Variants in VEPH1 observed in about 807,000 individuals in gnomAD.
The protein encoded by VEPH1 is ventricular zone-expressed PH domain-containing protein homolog 1.
Under a neutral mutation model 85.2 loss-of-function variants are expected in VEPH1, and 80 were observed. The observed-to-expected ratio is 0.94, with a 90% CI of 0.78 to 1.13. The LOEUF (loss-of-function observed/expected upper bound fraction) is 1.13, where lower values mean the gene tolerates loss of function less well. Ranked by LOEUF, VEPH1 falls within the 50% of genes most tolerant of loss-of-function variation. VEPH1 has a pLI of 0.00. For synonymous variants in VEPH1, 297 were observed against 348.0 expected (o/e 0.85, Z 1.63); for missense variants, 955 against 980.5 (o/e 0.97, Z 0.35).
chr3:157,498,595 A>T (rs1009630781), intron 1 of VEPH1, among the ~76,000 whole-genome samples: 12 of 150,366 alleles, frequency 8.0e-5, no homozygotes, highest in African/African-American at 2.9e-4. Context: ...TGTATTCATG[A>T]CTGTGTGAGA....
chr3:157,467,594 T>C (rs1230044627), intron 3 of VEPH1, among the ~76,000 whole-genome samples: 1 of 152,206 alleles, frequency 6.6e-6, no homozygotes, highest in Non-Finnish European at 1.5e-5. Context: ...TGGTGCTGCA[T>C]TTCTGGGACC....
At chr3:157,438,494 AATT>A (rs1733853738) in intron 4 of VEPH1, among the ~76,000 whole-genome samples, 1 of 152,154 alleles carries the variant, frequency 6.6e-6, no homozygotes, top group Non-Finnish European at 1.5e-5. Flanking sequence ...GGGTCAGCGG[AATT>A]CTTCAGGGGT....
intron 13 of VEPH1, 78 bp from the exon 14 acceptor site, chr3:157,261,448 A>G: frequency 6.4e-7 from 1 of 1,561,914 alleles, no homozygotes; most frequent in African/African-American, 1.4e-5. Flanking sequence ...AGAACTTTCT[A>G]AGAGGGCCAG....
chr3:157,304,771 A>G (rs181979766), intron 11 of VEPH1, among the ~76,000 whole-genome samples: 1 of 152,312 alleles, frequency 6.6e-6, no homozygotes, highest in African/African-American at 2.4e-5. Context: ...AAAGAAATAT[A>G]TAGAGAAAAG....
chr3:157,437,774 TGGCGCGTATGGAG>T lies in VEPH1; in HGVS notation c.530-9299_530-9287del. 4 of 1,481,488 alleles carry T rather than the reference TGGCGCGTATGGAG, an allele frequency of 2.7e-6. No homozygotes were observed. In the South Asian group the frequency reaches 5.2e-5, roughly 19 times the overall value. 91.8% of individuals were successfully genotyped at this position (1,481,488 alleles called of 1,614,324 possible). On this transcript the variant is annotated intron_variant, in intron 4 of 13. Coordinates refer to ENST00000362010, the MANE Select transcript of VEPH1 (RefSeq NM_001167912.2). Reference sequence around the variant, plus strand: ...GCGACCCGCGACGCGGGCCGCAGGCTGGCGCGTATGGAGGGCGCGGAGGCGCAGCGCCCAGAGG... The same window carrying T: ...GCGACCCGCGACGCGGGCCGCAGGCTGGCGCGGAGGCGCAGCGCCCAGAGG...
chr3:157,371,301 C>T (rs912392706), intron 7 of VEPH1, among the ~76,000 whole-genome samples: 2 of 152,072 alleles, frequency 1.3e-5, no homozygotes, highest in Admixed American at 1.3e-4. Context: ...TTCTGAGCAA[C>T]TGCAGACAGA....
At position 157,414,088 on chromosome 3, in the gene VEPH1, T is replaced by C. The variant is rs1204908352; in HGVS notation, c.699A>G (p.Val233=). The C allele has an allele frequency of 1.2e-6, 2 of 1,603,228 alleles. No individual in the cohort carries two copies. The highest frequency in any genetic ancestry group is 1.7e-5 in the Admixed American group (1 of 59,856). ...TTAGGAAAGGAATACACTTCTGAAC[T>C]ACCTATAAAGAGAGAGGAGAGGAGG... ...HVAAKKKQLE[V]VQKCIPFLIG... The change falls in exon 6 of 14, where the codon GTA becomes GTG. Residue 233 remains valine, a splice_region_variant and synonymous_variant. Transcript: ENST00000362010.
intron 9 of VEPH1, among the ~76,000 whole-genome samples, chr3:157,352,526 C>G (rs1025604217): frequency 6.6e-6 from 1 of 152,174 alleles, no homozygotes; most frequent in African/African-American, 2.4e-5. Flanking sequence ...AATAGTGAGA[C>G]AAACCTCACA....
intron 9 of VEPH1, among the ~76,000 whole-genome samples, chr3:157,336,687 C>G (rs1458041558): frequency 6.6e-6 from 1 of 152,244 alleles, no homozygotes; most frequent in African/African-American, 2.4e-5. Flanking sequence ...GAAACCCCTA[C>G]ACTCCATCTA....
At chr3:157,436,304 T>C (rs954821568) in intron 4 of VEPH1, among the ~76,000 whole-genome samples, 2 of 151,990 alleles carry the variant, frequency 1.3e-5, no homozygotes, top group African/African-American at 4.8e-5. Flanking sequence ...TATAAAAGTA[T>C]AGGTGCAACT....
chr3:157,460,103 A>G (rs781214548), intron 4 of VEPH1, 78 bp downstream of exon 4: 32 of 1,613,040 alleles, frequency 2.0e-5, no homozygotes, highest in Non-Finnish European at 2.6e-5. Context: ...CTTGCTTCCC[A>G]CAAACCATAA....
chr3:157,386,494 G>C (rs1452398518), intron 6 of VEPH1, among the ~76,000 whole-genome samples: 1 of 152,104 alleles, frequency 6.6e-6, no homozygotes, highest in African/African-American at 2.4e-5. Flanking sequence ...CCAGGGGGAG[G>C]CAGTGGGGAA....
chr3:157,304,509 G>A (rs759463570), intron 11 of VEPH1, among the ~76,000 whole-genome samples: 8 of 152,060 alleles, frequency 5.3e-5, no homozygotes, highest in Non-Finnish European at 8.8e-5. Context: ...CTGGTCCTCT[G>A]ATAATCAGAG....
intron 11 of VEPH1, among the ~76,000 whole-genome samples, chr3:157,298,557 C>T (rs904901713): frequency 2.0e-5 from 3 of 152,156 alleles, no homozygotes; most frequent in Admixed American, 6.5e-5. Context: ...ATGAAACTAG[C>T]ACTAGAGTGT....
chr3:157,311,531 T>G (rs548570993), intron 11 of VEPH1, among the ~76,000 whole-genome samples: 4 of 152,336 alleles, frequency 2.6e-5, no homozygotes, highest in Non-Finnish European at 5.9e-5. Flanking sequence ...TAATGTACAT[T>G]GCAGATATCA....
intron 2 of VEPH1, among the ~76,000 whole-genome samples, chr3:157,481,898 T>C (rs1309124869): frequency 1.3e-5 from 2 of 152,006 alleles, no homozygotes; most frequent in African/African-American, 4.9e-5. Context: ...TGCTAAGTTT[T>C]TGACTTTGTC....
In VEPH1 at chr3:157,345,947, C is replaced by T. The variant is rs567680116; in HGVS notation, c.1735+17417G>A. Among the ~76,000 whole-genome samples the T allele has an allele frequency of 7.3e-5, 11 of 151,074 alleles. No homozygotes were observed. The East Asian group carries it at 9.8e-4, about 13-fold the overall frequency. On this transcript the variant is annotated intron_variant, in intron 9 of 13. Transcript: ENST00000362010. ...CCCAAGGACAAAAAACCAAACACTGCGTGTTCTCACTCATAGGTGGGAATT... is the reference window on the plus strand; with the variant it reads ...CCCAAGGACAAAAAACCAAACACTGTGTGTTCTCACTCATAGGTGGGAATT...
intron 13 of VEPH1, among the ~76,000 whole-genome samples, chr3:157,264,232 C>T (rs1450638599): frequency 6.6e-6 from 1 of 152,232 alleles, no homozygotes; most frequent in Non-Finnish European, 1.5e-5. Flanking sequence ...GACTCTGGGA[C>T]TTACATCCCT....
chr3:157,435,251 G>A lies in VEPH1; in HGVS notation c.530-6763C>T, dbSNP rs1289813692. On this transcript the variant is annotated intron_variant, in intron 4 of 13. Transcript: ENST00000362010. ...GATATTTCAACTAAATGCAGTTCTT[G>A]GGGAGAGGTGTCTAATCCTTTTTGG... 2.0e-5 allele frequency among the ~76,000 whole-genome samples: 3 copies of A among 152,212 alleles called. No homozygotes were observed. In the East Asian group the frequency reaches 5.8e-4, roughly 29 times the overall value.
Sources: allele counts gnomAD v4.1 joint callset (sites outside exome capture counted in the v4.1 genomes callset), GRCh38; gene constraint gnomAD v4.1.1; transcripts MANE v1.5; gene names NCBI Gene and HGNC (gene_info 2026-07-23, HGNC 2026-07-21).